The following ANKRD31 variants were observed in gnomAD, a reference collection of about 807,000 sequenced individuals.
ANKRD31 encodes ankyrin repeat domain-containing protein 31.
ANKRD31 carries 147 observed loss-of-function variants against 186.0 expected under a neutral mutation model. The observed-to-expected ratio is 0.79, with a 90% confidence interval of 0.69 to 0.91. The LOEUF (loss-of-function observed/expected upper bound fraction) is 0.91. ANKRD31 is among the 40% of genes least tolerant of loss of function. The pLI is 0.00. For missense variants in ANKRD31, 1,986 were observed against 2,148.8 expected (o/e 0.92, Z 1.50); for synonymous variants, 673 against 736.4 (o/e 0.91, Z 1.39).
chr5:75,135,195 G>T (rs561635879), intron 17 of ANKRD31, among the ~76,000 whole-genome samples: 8 of 152,182 alleles, frequency 5.3e-5, no homozygotes, highest in South Asian at 4.2e-4. Context: ...AGAAATAAAG[G>T]GTATTGAATT....
chr5:75,111,718 G>C (rs931948509), intron 20 of ANKRD31, among the ~76,000 whole-genome samples: 1 of 152,110 alleles, frequency 6.6e-6, no homozygotes, highest in Non-Finnish European at 1.5e-5. Flanking sequence ...GTCATCAAGG[G>C]CTTGCATATA....
intron 2 of ANKRD31, among the ~76,000 whole-genome samples, chr5:75,223,722 T>C (rs562592160): frequency 1.6e-4 from 25 of 152,296 alleles, no homozygotes; most frequent in Admixed American, 5.2e-4. Flanking sequence ...GCCAAATTCA[T>C]ATGCTGATGC....
intron 8 of ANKRD31, 61 bp from the exon 9 acceptor site, chr5:75,192,837 T>C (rs942851061): frequency 8.2e-7 from 1 of 1,224,706 alleles, no homozygotes; most frequent in African/African-American, 1.5e-5. Context: ...TCACAGAGAA[T>C]TATACCAATT....
At chr5:75,179,172 A>G (rs1029035809) in intron 10 of ANKRD31, among the ~76,000 whole-genome samples, 4 of 152,130 alleles carry the variant, frequency 2.6e-5, no homozygotes, top group Non-Finnish European at 4.4e-5. Flanking sequence ...CACCCTCCCA[A>G]GACTAAACCA....
intron 3 of ANKRD31, among the ~76,000 whole-genome samples, chr5:75,217,758 C>A (rs1312785104): frequency 6.6e-6 from 1 of 152,062 alleles, no homozygotes; most frequent in Admixed American, 6.6e-5. Context: ...CATTCATATT[C>A]AACATTAGTA....
chr5:75,233,300 T>A (rs1758066885), intron 1 of ANKRD31, among the ~76,000 whole-genome samples: 1 of 151,958 alleles, frequency 6.6e-6, no homozygotes, highest in South Asian at 2.1e-4. Flanking sequence ...TGACCTCAAG[T>A]GATCTGCCCA....
chr5:75,096,412 AC>A (rs1375152764), intron 22 of ANKRD31, among the ~76,000 whole-genome samples: 74 of 151,818 alleles, frequency 4.9e-4, no homozygotes, highest in Non-Finnish European at 9.1e-4. Context: ...TCTGGATTAG[AC>A]CTTTGTCAGG....
chr5:75,161,079 C>T (rs1752544404), intron 11 of ANKRD31, among the ~76,000 whole-genome samples: 2 of 152,080 alleles, frequency 1.3e-5, no homozygotes, highest in South Asian at 2.1e-4. Flanking sequence ...GAAAAGATAC[C>T]TGAAAATGTG....
At chr5:75,120,521 A>C (rs755262521) in intron 17 of ANKRD31, among the ~76,000 whole-genome samples, 3 of 152,214 alleles carry the variant, frequency 2.0e-5, no homozygotes, top group Non-Finnish European at 2.9e-5. Context: ...ATGCCAGTGG[A>C]TAAAGTATGT....
chr5:75,099,691 TC>T (rs1746656813), intron 22 of ANKRD31, among the ~76,000 whole-genome samples: 1 of 152,226 alleles, frequency 6.6e-6, no homozygotes, highest in African/African-American at 2.4e-5. Flanking sequence ...TTTATCCATT[TC>T]TTCTAGATTT....
At chr5:75,121,112 G>A (rs1341497335) in intron 17 of ANKRD31, among the ~76,000 whole-genome samples, 1 of 151,820 alleles carries the variant, frequency 6.6e-6, no homozygotes, top group Admixed American at 6.6e-5. Context: ...GAACCTGGGA[G>A]GCAGAGGTTG....
intron 15 of ANKRD31, among the ~76,000 whole-genome samples, chr5:75,139,892 A>G (rs763308494): frequency 6.6e-6 from 1 of 152,106 alleles, no homozygotes; most frequent in Non-Finnish European, 1.5e-5. Flanking sequence ...TGGGACTCCA[A>G]GTTTCCTTCC....
intron 11 of ANKRD31, among the ~76,000 whole-genome samples, chr5:75,158,730 T>C (rs1444867968): frequency 6.6e-6 from 1 of 152,158 alleles, no homozygotes; most frequent in African/African-American, 2.4e-5. Context: ...AATTCGAGGC[T>C]GCAGTGAGCT....
chr5:75,196,413 T>C (rs16872452), intron 6 of ANKRD31, among the ~76,000 whole-genome samples: 3,731 of 152,206 alleles, frequency 0.025, 142 homozygotes, highest in African/African-American at 0.085. Flanking sequence ...CATTTAATAA[T>C]AGACCAAGAG....
In ANKRD31 at chr5:75,146,131, TAG is replaced by T; in HGVS notation, c.3278_3279del (p.Thr1093LysfsTer3). 6.5e-7 allele frequency: 1 copy of T among 1,536,144 alleles called. No individual in the cohort carries two copies. ...IVAHSQVIET[T>X]KVEKRRQNHL... ...TGGTTTTGTCTCCTTTTTTCAACTT[TAG>T]TTGTTTCTATTACTTGAGAATGAGC... On this transcript the variant is annotated frameshift_variant, in exon 14 of 26. Coordinates refer to ENST00000506364, the MANE Select transcript of ANKRD31 (RefSeq NM_001372053.1). LOFTEE classifies it high-confidence loss of function.
chr5:75,128,947 A>G (rs530430783), intron 17 of ANKRD31, among the ~76,000 whole-genome samples: 1 of 152,230 alleles, frequency 6.6e-6, no homozygotes, highest in Admixed American at 6.5e-5. Flanking sequence ...TTAAATTTAA[A>G]TACTGTAAAG....
intron 21 of ANKRD31, 67 bp from the exon 22 acceptor site, chr5:75,105,285 G>A (rs1747245823): frequency 2.9e-6 from 4 of 1,381,546 alleles, no homozygotes; most frequent in Non-Finnish European, 2.8e-6. Flanking sequence ...CGGTCACTTA[G>A]AGGTTAAAGA....
chr5:75,079,416 G>C (rs1293821111), intron 25 of ANKRD31, among the ~76,000 whole-genome samples: 1 of 151,546 alleles, frequency 6.6e-6, no homozygotes, highest in East Asian at 1.9e-4. Context: ...GAGGGAGAGG[G>C]AGAATTCGCT....
At chr5:75,224,520 T>C (rs1419573528) in intron 2 of ANKRD31, among the ~76,000 whole-genome samples, 2 of 152,112 alleles carry the variant, frequency 1.3e-5, no homozygotes, top group African/African-American at 2.4e-5. Flanking sequence ...GGAAATTTAA[T>C]ATATGACAAT....
Sources: allele counts gnomAD v4.1 joint callset (sites outside exome capture counted in the v4.1 genomes callset), GRCh38; gene constraint gnomAD v4.1.1; transcripts MANE v1.5; gene names NCBI Gene and HGNC (gene_info 2026-07-23, HGNC 2026-07-21).